Variants in PPA2 observed in about 807,000 individuals in gnomAD.
PPA2 encodes inorganic pyrophosphatase 2.
Under a neutral mutation model 49.5 loss-of-function variants are expected in PPA2, and 48 were observed. The ratio of observed to expected loss-of-function variants is 0.97; its 90% CI spans 0.77 to 1.23. The LOEUF is 1.23. Ranked by LOEUF, PPA2 falls within the 50% of genes most tolerant of loss-of-function variation. The pLI is 0.00. For synonymous variants in PPA2, 131 were observed against 139.9 expected, an observed-to-expected ratio of 0.94 and a Z score of 0.45; for missense variants, 429 against 410.1, an observed-to-expected ratio of 1.05 and a Z score of -0.40.
chr4:105,447,023 T>C (rs1722416364), intron 4 of PPA2, among the ~76,000 whole-genome samples: 1 of 152,064 alleles, frequency 6.6e-6, no homozygotes, highest in South Asian at 2.1e-4. Context: ...GTAAAAGGCA[T>C]CCAAAGTAGG....
intron 9 of PPA2, among the ~76,000 whole-genome samples, chr4:105,388,487 T>A (rs1299827697): frequency 6.6e-6 from 1 of 152,160 alleles, no homozygotes; most frequent in Admixed American, 6.5e-5. Flanking sequence ...CAGTAGTGGA[T>A]ATCTTGGGAA....
intron 7 of PPA2, among the ~76,000 whole-genome samples, chr4:105,420,003 G>A (rs1269098103): frequency 6.7e-6 from 1 of 149,672 alleles, no homozygotes; most frequent in East Asian, 1.9e-4. Context: ...ATGGAGTCTC[G>A]CTCTTGTTGC....
chr4:105,433,020 T>C (rs1278296038), intron 6 of PPA2, among the ~76,000 whole-genome samples: 4 of 152,230 alleles, frequency 2.6e-5, no homozygotes, highest in East Asian at 3.8e-4. Flanking sequence ...AGATAATTCT[T>C]ATAGAGCACC....
rs937392757 is a variant in PPA2 at position 105,451,158 on chromosome 4, T to C, written c.268-1755A>G. The stretch of plus-strand genomic sequence containing the variant: ...ATTGCTCTGGGTGGAGCCAGGGCAC[T>C]GCTTATTTTTATAGGCTCTCCAAGC... On this transcript the variant is annotated intron_variant, in intron 3 of 11. Coordinates refer to ENST00000341695, the MANE Select transcript of PPA2 (RefSeq NM_176869.3). Among the ~76,000 whole-genome samples the C allele has an allele frequency of 2.0e-5, 3 of 152,226 alleles. No individual in the cohort carries two copies. In the South Asian group the frequency reaches 6.2e-4, roughly 32 times the overall value.
intron 1 of PPA2, among the ~76,000 whole-genome samples, chr4:105,468,551 T>C (rs1234406420): frequency 6.6e-6 from 1 of 152,182 alleles, no homozygotes; most frequent in Admixed American, 6.5e-5. Context: ...AAGCAGTTGG[T>C]AGAACAGTAG....
intron 7 of PPA2, chr4:105,405,461 T>A: frequency 1.1e-6 from 1 of 884,608 alleles, no homozygotes; most frequent in Non-Finnish European, 1.4e-6. Flanking sequence ...TTCCACTGTG[T>A]TGAAGTTAAA....
chr4:105,462,393 A>G (rs1482299634), intron 1 of PPA2, among the ~76,000 whole-genome samples: 1 of 152,250 alleles, frequency 6.6e-6, no homozygotes, highest in Non-Finnish European at 1.5e-5. Flanking sequence ...GCTGTTGTTA[A>G]GCCAAAGCAA....
intron 3 of PPA2, among the ~76,000 whole-genome samples, chr4:105,451,836 G>A (rs1457609477): frequency 6.6e-6 from 1 of 152,084 alleles, no homozygotes; most frequent in African/African-American, 2.4e-5. Context: ...TTTCCAACCT[G>A]CCTTTCTTCT....
intron 7 of PPA2, chr4:105,405,650 AAC>A: frequency 9.9e-7 from 1 of 1,014,368 alleles, no homozygotes; most frequent in African/African-American, 1.7e-5. Flanking sequence ...CTTCGGAAAA[AAC>A]AGAGACCTTT....
intron 6 of PPA2, among the ~76,000 whole-genome samples, chr4:105,432,740 A>C (rs1051006040): frequency 1.3e-5 from 2 of 152,078 alleles, no homozygotes; most frequent in Non-Finnish European, 2.9e-5. Context: ...TTAGCTCATC[A>C]GTTATTGTTA....
rs141469048 is a variant in PPA2 at position 105,387,550 on chromosome 4, T to C, written c.870-914A>G. Among the ~76,000 whole-genome samples the C allele has an allele frequency of 3.7e-3, 559 of 152,330 alleles. 7 individuals carry two copies. The highest frequency in any genetic ancestry group is 0.026 in the Admixed American group (394 of 15,286). On this transcript the variant is annotated intron_variant, in intron 9 of 11. Transcript: ENST00000341695. ...AAAAACATCTGTCTATATCTGTTTG[T>C]AATTGATGACACTGAGTATACAGCG...
intron 10 of PPA2, among the ~76,000 whole-genome samples, chr4:105,380,456 T>C (rs1395928246): frequency 7.9e-5 from 12 of 152,178 alleles, no homozygotes; most frequent in Admixed American, 7.9e-4. Context: ...GCTTCATTAA[T>C]TTTTTTAAAT....
chr4:105,375,459 G>C lies in PPA2; in HGVS notation c.940-4586C>G, dbSNP rs528174881. On this transcript the variant is annotated intron_variant, in intron 10 of 11. Transcript: ENST00000341695. Reference sequence around the variant, plus strand: ...TCAGGGTCATAAATAAAACAAATCTGTATGACATAAATATTGTAGTGTGAT... The same window carrying C: ...TCAGGGTCATAAATAAAACAAATCTCTATGACATAAATATTGTAGTGTGAT... 1.3e-5 allele frequency among the ~76,000 whole-genome samples: 2 copies of C among 152,062 alleles called. 1 individual carries two copies. The highest frequency in any genetic ancestry group is 4.2e-4 in the South Asian group (2 of 4,802).
At chr4:105,414,485 C>A (rs1722911633) in intron 7 of PPA2, among the ~76,000 whole-genome samples, 1 of 152,226 alleles carries the variant, frequency 6.6e-6, no homozygotes, top group Admixed American at 6.5e-5. Flanking sequence ...TGGCAAAGGG[C>A]AGGCAACTCC....
intron 7 of PPA2, among the ~76,000 whole-genome samples, chr4:105,404,753 CAA>C: frequency 6.6e-6 from 1 of 152,264 alleles, no homozygotes; most frequent in East Asian, 1.9e-4. Flanking sequence ...CACTTACAGG[CAA>C]ATTAATAGCT....
chr4:105,461,021 A>G (rs1328799417), intron 1 of PPA2, among the ~76,000 whole-genome samples: 1 of 152,192 alleles, frequency 6.6e-6, no homozygotes, highest in Non-Finnish European at 1.5e-5. Context: ...GTAAAAATAT[A>G]ACTACTTCTA....
chr4:105,443,591 TCACACACA>T (rs56765056), intron 5 of PPA2, among the ~76,000 whole-genome samples: 1,801 of 145,498 alleles, frequency 0.012, 39 homozygotes, highest in African/African-American at 0.041. Context: ...TATGGTGTAT[TCACACACA>T]CACACACACA....
At chr4:105,385,446 A>C (rs542797255) in intron 10 of PPA2, among the ~76,000 whole-genome samples, 2 of 152,098 alleles carry the variant, frequency 1.3e-5, no homozygotes, top group Non-Finnish European at 2.9e-5. Context: ...CAACAAAAAA[A>C]CAAACAAAAA....
At chr4:105,430,547 A>G (rs1345561618) in intron 6 of PPA2, among the ~76,000 whole-genome samples, 1 of 152,230 alleles carries the variant, frequency 6.6e-6, no homozygotes, top group Admixed American at 6.5e-5. Flanking sequence ...TAAACATGTA[A>G]TATCAACACT....
Sources: allele counts gnomAD v4.1 joint callset (sites outside exome capture counted in the v4.1 genomes callset), GRCh38; gene constraint gnomAD v4.1.1; transcripts MANE v1.5; gene names NCBI Gene and HGNC (gene_info 2026-07-23, HGNC 2026-07-21).